Variants in KCNC4 observed in about 807,000 individuals in gnomAD.
KCNC4 encodes the protein voltage-gated potassium channel KCNC4.
KCNC4 carries 23 observed loss-of-function variants against 42.8 expected under a neutral mutation model. That is an observed-to-expected ratio of 0.54 (90% CI 0.39 to 0.76). KCNC4 has a LOEUF of 0.76. KCNC4 is among the 30% of genes least tolerant of loss of function. The pLI is 0.00. For synonymous variants in KCNC4, 422 were observed against 393.5 expected, an observed-to-expected ratio of 1.07 and a Z score of -0.86; for missense variants, 751 against 898.2, an observed-to-expected ratio of 0.84 and a Z score of 2.10.
intron 1 of KCNC4, among the ~76,000 whole-genome samples, chr1:110,281,555 AACACACAC>A (rs55839432): frequency 1.9e-4 from 27 of 140,444 alleles, no homozygotes; most frequent in East Asian, 8.5e-4. Context: ...CATATGTAAA[AACACACAC>A]ACACACACAC....
chr1:110,260,526 T>C (rs1571075129), intron 1 of KCNC4, among the ~76,000 whole-genome samples: 1 of 152,312 alleles, frequency 6.6e-6, no homozygotes, highest in Non-Finnish European at 1.5e-5. Context: ...ATAATATCAA[T>C]AGTAAAAGCA....
chr1:110,243,114 A>G (rs1659066210), exon 4 of KCNC4: 1 of 152,268 alleles, frequency 6.6e-6, no homozygotes. Context: ...CAGGCAGTAA[A>G]CAGTGCTCAG....
At chr1:110,232,488 C>T in intron 3 of KCNC4, 2 of 1,439,756 alleles carry the variant, frequency 1.4e-6, no homozygotes. Context: ...AGGAACTTTC[C>T]CCACTGCCTC....
chr1:110,251,778 C>T (rs1160735622), downstream of KCNC4, among the ~76,000 whole-genome samples: 10 of 152,232 alleles, frequency 6.6e-5, no homozygotes, highest in Non-Finnish European at 4.4e-5. Context: ...AGGGCAGAAA[C>T]AGCGATCCCA....
rs5777010 is a variant in KCNC4 at position 110,263,823 on chromosome 1, AGG to A, written n.31-18704_31-18703del. On this transcript the variant is annotated intron_variant and non_coding_transcript_variant, in intron 1 of 2. Transcript: ENST00000412512. ...AACAATCTCTAGCAAGCTTTCAGTG[AGG>A]GGGGGGAGCTGAATGGGGGTCTCCA... Among the ~76,000 whole-genome samples, 4 of 149,212 alleles carry A rather than the reference AGG, an allele frequency of 2.7e-5. No homozygotes were observed. In the South Asian group the frequency reaches 8.6e-4, roughly 32 times the overall value.
intron 1 of KCNC4, among the ~76,000 whole-genome samples, chr1:110,281,319 T>C (rs1244012558): frequency 6.6e-6 from 1 of 152,034 alleles, no homozygotes; most frequent in Admixed American, 6.5e-5. Flanking sequence ...GGAAATGATG[T>C]GGGGCCACCC....
intron 1 of KCNC4, chr1:110,219,720 G>A (rs187699703): frequency 1.9e-4 from 29 of 152,358 alleles, no homozygotes; most frequent in African/African-American, 7.0e-4. Flanking sequence ...AGTCAAGGGA[G>A]CTGTGTATCC....
chr1:110,230,666 C>T (rs1658649302), intron 3 of KCNC4, among the ~76,000 whole-genome samples: 1 of 152,230 alleles, frequency 6.6e-6, no homozygotes, highest in African/African-American at 2.4e-5. Flanking sequence ...CATTGCCAGG[C>T]TGGAGCCCTA....
chr1:110,236,457 C>T (rs1220100677), downstream of KCNC4: 1 of 152,228 alleles, frequency 6.6e-6, no homozygotes, highest in Non-Finnish European at 1.5e-5. Flanking sequence ...ATTTCCTTAA[C>T]TGCAATTGAT....
intron 1 of KCNC4, among the ~76,000 whole-genome samples, chr1:110,259,068 A>G (rs1659383212): frequency 1.3e-5 from 2 of 152,174 alleles, no homozygotes; most frequent in South Asian, 4.1e-4. Flanking sequence ...GGCTCTGTTT[A>G]TTTGTGAATC....
intron 1 of KCNC4, among the ~76,000 whole-genome samples, chr1:110,275,480 A>T (rs11102075): frequency 0.29 from 43,870 of 152,058 alleles, 6,755 homozygotes; most frequent in Admixed American, 0.42. Context: ...AAATAGAACT[A>T]CCATTTGATC....
At chr1:110,254,603 C>T (rs1045021964) in intron 1 of KCNC4, among the ~76,000 whole-genome samples, 3 of 152,132 alleles carry the variant, frequency 2.0e-5, no homozygotes, top group African/African-American at 7.2e-5. Flanking sequence ...AGCTTCCTGC[C>T]CTGGGAAATG....
At chr1:110,279,030 A>C (rs930673768) in intron 1 of KCNC4, among the ~76,000 whole-genome samples, 1 of 152,100 alleles carries the variant, frequency 6.6e-6, no homozygotes, top group Non-Finnish European at 1.5e-5. Flanking sequence ...GAAGCTCTTC[A>C]TCACTCCACC....
At chr1:110,248,206 CATGTCAAAATGACAAT>C (rs2101064144) in exon 4 of KCNC4, 1 of 152,304 alleles carries the variant, frequency 6.6e-6, no homozygotes, top group East Asian at 1.9e-4. Flanking sequence ...GCTAGTGCCT[CATGTCAAAATGACAAT>C]ATTTTGAATG....
exon 4 of KCNC4, chr1:110,249,000 C>G (rs1659204507): frequency 6.6e-6 from 1 of 152,236 alleles, no homozygotes; most frequent in African/African-American, 2.4e-5. Flanking sequence ...CAAGGGAATG[C>G]TGGCCAAAGC....
intron 1 of KCNC4, among the ~76,000 whole-genome samples, chr1:110,265,445 CCTAG>C (rs1246118371): frequency 2.0e-5 from 3 of 151,528 alleles, no homozygotes; most frequent in Non-Finnish European, 4.4e-5. Context: ...GAGGATGGCC[CCTAG>C]CAGTCAGGTT....
chr1:110,244,561 GCCA>G (rs1213193650), exon 4 of KCNC4: 1 of 152,156 alleles, frequency 6.6e-6, no homozygotes, highest in Non-Finnish European at 1.5e-5. Context: ...CACCAGCAGC[GCCA>G]CCTCTGTGTT....
In KCNC4 at chr1:110,212,154, C is replaced by A; in HGVS notation, c.655C>A (p.Pro219Thr). The change falls in exon 1 of 4, where the codon CCC (proline) becomes ACC (threonine). Residue 219 changes from proline (P) to threonine (T), a missense_variant. Physicochemically the swap from Pro to Thr is conservative, Grantham distance 38. Around this residue, in one of 4 missense-constraint regions of KCNC4, gnomAD observed 181 missense variants for 167.3 expected, o/e 1.08. Coordinates refer to ENST00000438661, the MANE Select transcript of KCNC4 (RefSeq NM_001039574.3). ...CCGCATGTGGGCGCTCTTCGAGGAT[C>A]CCTACTCCTCCCGGGCCGCTAGGGT... ...QPRMWALFEDPYSSRAARVVA... is the reference protein window; with the variant it reads ...QPRMWALFEDTYSSRAARVVA... The A allele has an allele frequency of 6.6e-7, 1 of 1,508,568 alleles. No individual in the cohort carries two copies. The highest frequency in any genetic ancestry group is 1.3e-5 in the South Asian group (1 of 77,672). 93.4% of individuals were successfully genotyped at this position (1,508,568 alleles called of 1,614,324 possible).
At chr1:110,232,740 G>C (rs908525231) in intron 3 of KCNC4, 171 bp from the exon 4 acceptor site, 6 of 1,529,172 alleles carry the variant, frequency 3.9e-6, no homozygotes, top group African/African-American at 2.7e-5. Context: ...CTCTGCTCCT[G>C]GTCTACTCCT....
Sources: gnomAD v4.1 joint callset for allele counts (sites outside exome capture counted in the v4.1 genomes callset) on GRCh38, gnomAD v4.1.1 for gene constraint, gnomAD v4.1.1 regional missense constraint, MANE v1.5 for transcripts, NCBI Gene and HGNC (gene_info 2026-07-23, HGNC 2026-07-21) for gene names.